Variants in CHRDL1 observed in about 807,000 individuals in gnomAD.
The protein encoded by CHRDL1 is chordin like 1.
In CHRDL1, 19 loss-of-function variants were observed where a neutral mutation model predicts 40.9. The ratio of observed to expected loss-of-function variants is 0.46; its 90% CI spans 0.32 to 0.68. The LOEUF is 0.68. CHRDL1 is among the 30% of genes least tolerant of loss of function. The pLI, the probability that CHRDL1 is intolerant of heterozygous loss-of-function variation, is 0.03. For synonymous variants in CHRDL1, 136 were observed against 123.4 expected (o/e 1.10, Z -0.68); for missense variants, 329 against 352.1 (o/e 0.93, Z 0.53).
At chrX:110,762,283 CTTTTA>C (rs1335900500) in intron 3 of CHRDL1, among the ~76,000 whole-genome samples, 1 of 111,660 alleles carries the variant, frequency 9.0e-6, no homozygotes. Context: ...TTACTTTCTT[CTTTTA>C]TTTTATGAGA....
intron 4 of CHRDL1, among the ~76,000 whole-genome samples, chrX:110,734,808 T>C (rs751900385): frequency 8.9e-6 from 1 of 111,977 alleles, no homozygotes; most frequent in East Asian, 2.8e-4. Context: ...CCATGGTGAA[T>C]CTGATAGATT....
rs191547380 is a variant in CHRDL1 at position 110,738,093 on chromosome X, T to A, written c.302-16563A>T. Among the ~76,000 whole-genome samples, 355 of 112,243 alleles carry A rather than the reference T, an allele frequency of 3.2e-3. 2 individuals are homozygous for A. Among genetic ancestry groups the A allele is most frequent in the Middle Eastern group, 0.014 (3 of 216 alleles). On this transcript the variant is annotated intron_variant, in intron 4 of 11. Coordinates refer to ENST00000372042, the MANE Select transcript of CHRDL1 (RefSeq NM_001143981.2). ...AAAATAATAGATACAAATCATCTAATCCCTAAATGTTTGAAATATAGCTAG... is the reference window on the plus strand; with the variant it reads ...AAAATAATAGATACAAATCATCTAAACCCTAAATGTTTGAAATATAGCTAG...
Position 110,747,350 on chromosome X carries a change from T to C in CHRDL1, c.301+12311A>G, listed in dbSNP as rs754809158. Among the ~76,000 whole-genome samples, 16 of 107,389 alleles carry C rather than the reference T, an allele frequency of 1.5e-4. No individual in the cohort carries two copies. The South Asian group carries it at 6.2e-3, about 42-fold the overall frequency. The allele number at this position is 107,389 out of a possible 115,157, so 93.3% of individuals were successfully genotyped here. Reference sequence around the variant, plus strand: ...ACCTTTCTCTAGGTTTTGGTACTGCTATTCTTTGTGACAAAAAGACCCAAA... The same window carrying C: ...ACCTTTCTCTAGGTTTTGGTACTGCCATTCTTTGTGACAAAAAGACCCAAA... On this transcript the variant is annotated intron_variant, in intron 4 of 11. Transcript: ENST00000372042.
chrX:110,726,836 G>C (rs931149997), intron 4 of CHRDL1, among the ~76,000 whole-genome samples: 1 of 111,992 alleles, frequency 8.9e-6, no homozygotes, highest in Non-Finnish European at 1.9e-5. Flanking sequence ...GTGTATGGTA[G>C]GTGCTATGGA....
chrX:110,731,789 T>C (rs1194035291), intron 4 of CHRDL1, among the ~76,000 whole-genome samples: 1 of 110,968 alleles, frequency 9.0e-6, no homozygotes, highest in Non-Finnish European at 1.9e-5. Flanking sequence ...AGAAGAACAC[T>C]GGATGCCAGG....
At chrX:110,784,741 C>T (rs899349116) in intron 2 of CHRDL1, among the ~76,000 whole-genome samples, 1 of 111,137 alleles carries the variant, frequency 9.0e-6, no homozygotes, top group Non-Finnish European at 1.9e-5. Flanking sequence ...GCAAACCCAT[C>T]GAAAAGAAAA....
chrX:110,681,400 G>T, intron 10 of CHRDL1, 82 bp downstream of exon 10: 2 of 878,739 alleles, frequency 2.3e-6, no homozygotes, highest in Non-Finnish European at 3.3e-6. Flanking sequence ...GAGGGAACAG[G>T]TTGAAGCAAA....
intron 3 of CHRDL1, among the ~76,000 whole-genome samples, chrX:110,760,606 T>A (rs183978897): frequency 2.7e-5 from 3 of 111,718 alleles, no homozygotes; most frequent in Non-Finnish European, 5.6e-5. Context: ...CAGCTCCCAA[T>A]GGTTAGCTGT....
At chrX:110,782,437 G>A (rs946518022) in intron 2 of CHRDL1, among the ~76,000 whole-genome samples, 1 of 112,330 alleles carries the variant, frequency 8.9e-6, no homozygotes, top group African/African-American at 3.2e-5. Context: ...CTCCTGCTAC[G>A]TAGTTGGTAA....
chrX:110,689,606 C>CTATATATCTATATGTCTATATATCTA (rs2070147991), intron 8 of CHRDL1, among the ~76,000 whole-genome samples: 1 of 2,307 alleles, frequency 4.3e-4, no homozygotes, highest in Non-Finnish European at 6.0e-4. Context: ...CTATATATAT[C>CTATATATCTATATGTCTATATATCTA]TATATATCTA....
At chrX:110,679,839 G>A (rs762926425) in intron 10 of CHRDL1, among the ~76,000 whole-genome samples, 1 of 112,301 alleles carries the variant, frequency 8.9e-6, no homozygotes, top group East Asian at 2.8e-4. Context: ...AGCACTGAGA[G>A]CCTGCAGTGG....
chrX:110,754,601 C>T (rs1484906900), intron 4 of CHRDL1, among the ~76,000 whole-genome samples: 1 of 111,934 alleles, frequency 8.9e-6, no homozygotes, highest in African/African-American at 3.2e-5. Context: ...TTTTCCCTAA[C>T]CTACCTTGAA....
chrX:110,701,810 TCA>T (rs1203766777), intron 6 of CHRDL1, among the ~76,000 whole-genome samples: 1 of 110,773 alleles, frequency 9.0e-6, no homozygotes. Context: ...CCAGACCCTG[TCA>T]CACACACACA....
intron 8 of CHRDL1, among the ~76,000 whole-genome samples, chrX:110,692,756 G>T (rs1216903946): frequency 1.8e-5 from 2 of 111,557 alleles, no homozygotes; most frequent in Non-Finnish European, 3.8e-5. Flanking sequence ...TTCCATTAAT[G>T]GTTTTATTTC....
rs200772072 is a variant in CHRDL1 at position 110,724,451 on chromosome X, AT to A, written c.302-2922del. Among the ~76,000 whole-genome samples, 340 of 110,864 alleles carry A rather than the reference AT, an allele frequency of 3.1e-3. 1 individual carries two copies. The highest frequency in any genetic ancestry group is 0.011 in the African/African-American group (333 of 30,444). ...AGTAGAATCAAAGAAAAAGAAACCAATTATGGTCATGCTTAAGGCTAGTTTT... is the reference window on the plus strand; with the variant it reads ...AGTAGAATCAAAGAAAAAGAAACCAATATGGTCATGCTTAAGGCTAGTTTT... On this transcript the variant is annotated intron_variant, in intron 4 of 11. Transcript: ENST00000372042.
At chrX:110,781,521 A>G (rs752834738) in intron 2 of CHRDL1, among the ~76,000 whole-genome samples, 2 of 111,714 alleles carry the variant, frequency 1.8e-5, no homozygotes, top group East Asian at 5.6e-4. Context: ...GGTTGACATA[A>G]TATTTACCTA....
intron 4 of CHRDL1, among the ~76,000 whole-genome samples, chrX:110,723,585 C>T (rs571431427): frequency 1.8e-5 from 2 of 111,496 alleles, no homozygotes; most frequent in African/African-American, 6.5e-5. Context: ...CTGACTGATT[C>T]TAGAACCTTC....
In CHRDL1 at chrX:110,684,732, A is replaced by G. The variant is rs181810823; in HGVS notation, c.989-3083T>C. Among the ~76,000 whole-genome samples, 836 of 112,842 alleles carry G rather than the reference A, an allele frequency of 7.4e-3. 6 individuals carry two copies. The highest frequency in any genetic ancestry group is 0.025 in the African/African-American group (791 of 31,086). ...CAGTAGGTACTTAAAACAAATTTCC[A>G]GATTGAATGCATGAGCAAGTGCATG... On this transcript the variant is annotated intron_variant, in intron 9 of 11. Coordinates refer to ENST00000372042, the MANE Select transcript of CHRDL1 (RefSeq NM_001143981.2).
chrX:110,724,448 C>G lies in CHRDL1; in HGVS notation c.302-2918G>C, dbSNP rs1339585239. Among the ~76,000 whole-genome samples the G allele has an allele frequency of 4.5e-5, 5 of 110,211 alleles. 1 individual carries two copies. The highest frequency in any genetic ancestry group is 9.5e-5 in the Non-Finnish European group (5 of 52,854). On this transcript the variant is annotated intron_variant, in intron 4 of 11. Coordinates refer to ENST00000372042, the MANE Select transcript of CHRDL1 (RefSeq NM_001143981.2). ...CACAGTAGAATCAAAGAAAAAGAAA[C>G]CAATTATGGTCATGCTTAAGGCTAG...
Sources: allele counts gnomAD v4.1 joint callset (sites outside exome capture counted in the v4.1 genomes callset), GRCh38; gene constraint gnomAD v4.1.1; transcripts MANE v1.5; gene names NCBI Gene and HGNC (gene_info 2026-07-23, HGNC 2026-07-21).